Variants in DNAAF6 observed in about 807,000 individuals in gnomAD.
The protein encoded by DNAAF6 is dynein axonemal assembly factor 6.
In DNAAF6, 3 loss-of-function variants were observed where a neutral mutation model predicts 13.7. The observed-to-expected ratio is 0.22, with a 90% CI of 0.10 to 0.56. The LOEUF is 0.56. DNAAF6 is among the 20% of genes least tolerant of loss of function. The pLI is 0.92. For synonymous variants in DNAAF6, 54 were observed against 49.2 expected, an observed-to-expected ratio of 1.10 and a Z score of -0.41; for missense variants, 130 against 151.0, an observed-to-expected ratio of 0.86 and a Z score of 0.73.
chrX:107,234,136 T>C (rs2147836436), intron 5 of DNAAF6, among the ~76,000 whole-genome samples: 1 of 110,878 alleles, frequency 9.0e-6, no homozygotes, highest in South Asian at 3.8e-4. Flanking sequence ...GAGGTATGCA[T>C]CTATGAAGCA....
At chrX:107,230,058 A>G (rs987588264) in intron 5 of DNAAF6, among the ~76,000 whole-genome samples, 5 of 111,423 alleles carry the variant, frequency 4.5e-5, no homozygotes, top group Non-Finnish European at 9.4e-5. Context: ...CTAAAACAGA[A>G]CTCTTAATTG....
intron 3 of DNAAF6, 39 bp downstream of exon 3, chrX:107,216,782 T>C: frequency 1.0e-6 from 1 of 989,137 alleles, no homozygotes; most frequent in Admixed American, 2.7e-5. Flanking sequence ...CAATATAATC[T>C]TTTCCTTGGT....
intron 6 of DNAAF6, 106 bp downstream of exon 6, chrX:107,239,113 A>G: frequency 2.9e-6 from 3 of 1,018,216 alleles, no homozygotes; most frequent in Non-Finnish European, 3.8e-6. Flanking sequence ...CTAAAGTCTG[A>G]AGAAAAGTGG....
chrX:107,220,022 C>T (rs1602681144), intron 4 of DNAAF6, among the ~76,000 whole-genome samples: 1 of 111,396 alleles, frequency 9.0e-6, no homozygotes, highest in Non-Finnish European at 1.9e-5. Flanking sequence ...TGGTCTGGAA[C>T]TCCTGACCTC....
intron 2 of DNAAF6, among the ~76,000 whole-genome samples, chrX:107,215,567 G>T (rs907540640): frequency 2.7e-5 from 3 of 112,013 alleles, no homozygotes; most frequent in Non-Finnish European, 5.6e-5. Flanking sequence ...AATAGTTACT[G>T]TCTCAGACAC....
intron 4 of DNAAF6, among the ~76,000 whole-genome samples, chrX:107,219,649 A>G (rs1302475603): frequency 1.8e-5 from 2 of 111,750 alleles, no homozygotes; most frequent in African/African-American, 6.5e-5. Flanking sequence ...ACATATGTGT[A>G]TTTTGAAATA....
At chrX:107,228,354 T>G (rs1332003212) in intron 5 of DNAAF6, among the ~76,000 whole-genome samples, 1 of 111,281 alleles carries the variant, frequency 9.0e-6, no homozygotes, top group Non-Finnish European at 1.9e-5. Flanking sequence ...TAGATTGTTC[T>G]TTGAGGAAGT....
rs1928574034 is a variant in DNAAF6 at position 107,238,952 on chromosome X, T to G, written c.460T>G (p.Ser154Ala). 1.7e-6 allele frequency: 2 copies of G among 1,210,580 alleles called. No individual in the cohort carries two copies. Among genetic ancestry groups the G allele is most frequent in the South Asian group, 3.5e-5 (2 of 56,703 alleles). The change falls in exon 6 of 7, where the codon TCT becomes GCT. Residue 154 changes from serine (S) to alanine (A), a missense_variant. Transcript: ENST00000372453. ...AATTAAATTGCCAAATACAAACCCT[T>G]CTGATATTCAAATTGATATCCAGGA... The part of the protein sequence containing the change: ...AKIKLPNTNP[S>A]DIQIDIQETI...
intron 5 of DNAAF6, among the ~76,000 whole-genome samples, chrX:107,237,361 T>C (rs1175655417): frequency 2.7e-5 from 3 of 112,300 alleles, no homozygotes; most frequent in African/African-American, 9.7e-5. Flanking sequence ...ATAATTTACC[T>C]GAACCTTGGG....
In DNAAF6 at chrX:107,220,935, CTT is replaced by C. The variant is rs752464545; in HGVS notation, c.333-1808_333-1807del. Among the ~76,000 whole-genome samples, 610 of 81,497 alleles carry C rather than the reference CTT, an allele frequency of 7.5e-3. 6 individuals are homozygous for C. Among genetic ancestry groups the C allele is most frequent in the African/African-American group, 0.03 (568 of 19,073 alleles). The allele number at this position is 81,497 out of a possible 115,157, so 70.8% of individuals were successfully genotyped here. A position where few individuals can be genotyped will look rare whatever the true frequency, so the allele number is the denominator to read the frequency against. Reference sequence around the variant, plus strand: ...TCTTTCTTTCTTTCTTTCTTTCTTTCTTTCTTTCTTTCTTTCTTTCTTTTTCT... The same window carrying C: ...TCTTTCTTTCTTTCTTTCTTTCTTTCTCTTTCTTTCTTTCTTTCTTTTTCT... On this transcript the variant is annotated intron_variant, in intron 4 of 6. Coordinates refer to ENST00000372453, the MANE Select transcript of DNAAF6 (RefSeq NM_173494.2).
chrX:107,219,038 T>C (rs1465428918), intron 4 of DNAAF6, 69 bp downstream of exon 4: 2 of 1,060,859 alleles, frequency 1.9e-6, no homozygotes, highest in Non-Finnish European at 2.4e-6. Context: ...AACATTTTAC[T>C]TTTTACAAGA....
Position 107,244,119 on chromosome X carries a change from AGTTAG to A in DNAAF6, c.*826_*830del, listed in dbSNP as rs930274761. On this transcript the variant is annotated 3_prime_UTR_variant, in exon 7 of 7. Transcript: ENST00000372453. ...AGTTGTGCTTTTAATGCTTGGATAT[AGTTAG>A]GTTAAAAACATTTTTTATATGCACT... 9.8e-5 allele frequency: 11 copies of A among 112,579 alleles called. No homozygotes were observed. The highest frequency in any genetic ancestry group is 1.7e-4 in the Non-Finnish European group (9 of 53,227). The allele number at this position is 112,579 out of a possible 1,213,427, so 9.3% of individuals were successfully genotyped here.
intron 5 of DNAAF6, among the ~76,000 whole-genome samples, chrX:107,234,807 C>T (rs1171721750): frequency 9.0e-6 from 1 of 111,561 alleles, no homozygotes; most frequent in Admixed American, 9.6e-5. Flanking sequence ...AATGGATGAC[C>T]TCCATGAAAC....
At chrX:107,206,733 C>G (rs1199706577) in intron 1 of DNAAF6, 43 bp downstream of exon 1, 2 of 110,950 alleles carry the variant, frequency 1.8e-5, no homozygotes, top group Non-Finnish European at 3.8e-5. Context: ...ACAGGGTCCT[C>G]AGATGCTGTG....
At chrX:107,236,368 T>TA (rs1332909483) in intron 5 of DNAAF6, among the ~76,000 whole-genome samples, 1 of 112,132 alleles carries the variant, frequency 8.9e-6, no homozygotes, top group Non-Finnish European at 1.9e-5. Context: ...CTATATTTAC[T>TA]AATGTTTAAC....
chrX:107,207,730 G>A (rs1217089790), intron 1 of DNAAF6, among the ~76,000 whole-genome samples: 2 of 111,686 alleles, frequency 1.8e-5, no homozygotes, highest in East Asian at 5.7e-4. Flanking sequence ...TCAGGAGTTC[G>A]AGACCAGCCT....
chrX:107,219,179 C>A (rs1171451088), intron 4 of DNAAF6, among the ~76,000 whole-genome samples: 6 of 111,861 alleles, frequency 5.4e-5, no homozygotes, highest in African/African-American at 1.9e-4. Context: ...CAGTTACTAT[C>A]TAGCAAAAAT....
chrX:107,207,414 A>T (rs1927733177), intron 1 of DNAAF6: 1 of 111,515 alleles, frequency 9.0e-6, no homozygotes, highest in African/African-American at 3.3e-5. Flanking sequence ...CCAAGGGCTG[A>T]TTGGGAGAGT....
rs559225150 is a variant in DNAAF6, at chrX:107,229,838, C to G, written c.429+6997C>G. 3.0e-4 allele frequency among the ~76,000 whole-genome samples: 33 copies of G among 110,390 alleles called. No individual in the cohort carries two copies. The South Asian group carries it at 0.013, about 44-fold the overall frequency. The stretch of plus-strand genomic sequence containing the variant: ...GAGTAGCTGGGACTACAGGCGCCCC[C>G]CACCACGCCCGGCTAATTTTTTGTA... On this transcript the variant is annotated intron_variant, in intron 5 of 6. Transcript: ENST00000372453.
Sources: gnomAD v4.1 joint callset for allele counts (sites outside exome capture counted in the v4.1 genomes callset) on GRCh38, gnomAD v4.1.1 for gene constraint, MANE v1.5 for transcripts, NCBI Gene and HGNC (gene_info 2026-07-23, HGNC 2026-07-21) for gene names.